ASCC3: variants seen among roughly 807,000 people sequenced by gnomAD.
ASCC3 encodes ASC-1 complex subunit P200.
Under a neutral mutation model 256.3 loss-of-function variants are expected in ASCC3, and 158 were observed. The observed-to-expected ratio is 0.62, with a 90% CI of 0.54 to 0.70. The LOEUF is 0.70. ASCC3 is among the 30% of genes least tolerant of loss of function. The pLI is 0.00. For missense variants in ASCC3, 2,259 were observed against 2,626.0 expected, an observed-to-expected ratio of 0.86 and a Z score of 3.05; for synonymous variants, 948 against 883.4, an observed-to-expected ratio of 1.07 and a Z score of -1.30.
intron 25 of ASCC3, among the ~76,000 whole-genome samples, chr6:100,635,335 G>A (rs796185794): frequency 3.9e-5 from 6 of 152,074 alleles, no homozygotes; most frequent in African/African-American, 1.2e-4. Context: ...AAATACGCCA[G>A]ACATAGAAAG....
intron 11 of ASCC3, among the ~76,000 whole-genome samples, chr6:100,723,222 A>C (rs1321000110): frequency 6.6e-6 from 1 of 151,684 alleles, no homozygotes; most frequent in Admixed American, 6.6e-5. Context: ...TTCTTATAGA[A>C]ACCTATTAAA....
At chr6:100,584,625 TATG>T (rs1418565282) in intron 36 of ASCC3, among the ~76,000 whole-genome samples, 2 of 152,174 alleles carry the variant, frequency 1.3e-5, no homozygotes, top group African/African-American at 4.8e-5. Flanking sequence ...ATCCTGTCAT[TATG>T]ATGTTAGCTG....
Position 100,670,659 on chromosome 6 carries a change from A to G in ASCC3, c.2287-8123T>C, listed in dbSNP as rs151068884. Among the ~76,000 whole-genome samples, 176 of 146,538 alleles carry G rather than the reference A, an allele frequency of 1.2e-3. 1 individual carries two copies. The highest frequency in any genetic ancestry group is 7.2e-3 in the Middle Eastern group (2 of 276). ...TTTTTTTCCCCCCCAAATTCTTTTA[A>G]TCCGCAGTTGGCTGAATTCATGGAA... On this transcript the variant is annotated intron_variant, in intron 14 of 41. Transcript: ENST00000369162.
chr6:100,841,686 TA>T (rs5878648), intron 4 of ASCC3, among the ~76,000 whole-genome samples: 100,901 of 149,372 alleles, frequency 0.68, 34,074 homozygotes, highest in East Asian at 0.71. Context: ...TTGTGCATAT[TA>T]AAAAAAAAAA....
chr6:100,576,252 A>C (rs776020789), intron 36 of ASCC3, among the ~76,000 whole-genome samples: 2 of 152,058 alleles, frequency 1.3e-5, no homozygotes, highest in South Asian at 4.1e-4. Context: ...AACATTTTCC[A>C]AAATAGCATC....
At chr6:100,555,598 TC>T (rs1275263350) in intron 36 of ASCC3, among the ~76,000 whole-genome samples, 1 of 152,184 alleles carries the variant, frequency 6.6e-6, no homozygotes, top group African/African-American at 2.4e-5. Flanking sequence ...AACATCTATT[TC>T]CCAGGATTTA....
chr6:100,642,891 G>A, intron 23 of ASCC3, 142 bp from the exon 24 acceptor site: 1 of 860,180 alleles, frequency 1.2e-6, no homozygotes, highest in Non-Finnish European at 1.8e-6. Flanking sequence ...GAGATATTCG[G>A]AAACTTTAGA....
chr6:100,654,226 CTG>C (rs1775812233), intron 17 of ASCC3, among the ~76,000 whole-genome samples: 1 of 150,496 alleles, frequency 6.6e-6, no homozygotes, highest in Non-Finnish European at 1.5e-5. Flanking sequence ...ATATGCTAAA[CTG>C]TTTTATCTGT....
chr6:100,510,764 C>A (rs1773720327), intron 40 of ASCC3, among the ~76,000 whole-genome samples: 1 of 152,080 alleles, frequency 6.6e-6, no homozygotes, highest in Admixed American at 6.5e-5. Context: ...ATAATGATCG[C>A]ACTTGAGGTC....
At chr6:100,579,124 A>T (rs1321745590) in intron 36 of ASCC3, among the ~76,000 whole-genome samples, 1 of 149,020 alleles carries the variant, frequency 6.7e-6, no homozygotes, top group East Asian at 1.9e-4. Flanking sequence ...TCACACGTAT[A>T]TCTTCTTTTG....
chr6:100,799,085 T>C (rs1236714533), intron 7 of ASCC3, among the ~76,000 whole-genome samples: 3 of 152,062 alleles, frequency 2.0e-5, no homozygotes, highest in Non-Finnish European at 4.4e-5. Flanking sequence ...TGACAAATCT[T>C]AAAGTATACA....
intron 37 of ASCC3, among the ~76,000 whole-genome samples, chr6:100,537,543 T>G (rs1039129873): frequency 6.6e-6 from 1 of 152,136 alleles, no homozygotes; most frequent in Non-Finnish European, 1.5e-5. Flanking sequence ...CAACACCGAG[T>G]TAAGATGTTA....
chr6:100,847,439 ACACCTATGGGTTAAGTC>A (rs1293305501), intron 4 of ASCC3, among the ~76,000 whole-genome samples: 1 of 152,150 alleles, frequency 6.6e-6, no homozygotes, highest in Non-Finnish European at 1.5e-5. Context: ...AGTTGGCATA[ACACCTATGGGTTAAGTC>A]CTCCAATACC....
intron 30 of ASCC3, among the ~76,000 whole-genome samples, chr6:100,608,821 T>C (rs1453912474): frequency 8.0e-6 from 1 of 124,318 alleles, no homozygotes; most frequent in East Asian, 2.3e-4. Flanking sequence ...TGGAGTGCAG[T>C]GGCGTGATCT....
intron 4 of ASCC3, among the ~76,000 whole-genome samples, chr6:100,809,901 T>C (rs756418647): frequency 6.6e-6 from 1 of 152,104 alleles, no homozygotes; most frequent in Non-Finnish European, 1.5e-5. Context: ...GAGAGTTAGT[T>C]AATAAGAATA....
At chr6:100,870,129 C>A (rs1773663895) in intron 1 of ASCC3, among the ~76,000 whole-genome samples, 1 of 151,978 alleles carries the variant, frequency 6.6e-6, no homozygotes, top group South Asian at 2.1e-4. Context: ...ATATAGAGAA[C>A]CTGAAGAGTA....
chr6:100,715,261 T>C (rs971762350), intron 13 of ASCC3: 8 of 542,132 alleles, frequency 1.5e-5, no homozygotes, highest in Non-Finnish European at 2.6e-5. Context: ...GACCTATCAA[T>C]ACTGGGATGA....
chr6:100,627,938 A>G lies in ASCC3; in HGVS notation c.4425T>C (p.Phe1475=), dbSNP rs773274053. 1 of 1,613,678 alleles carries G rather than the reference A, an allele frequency of 6.2e-7. No homozygotes were observed. Among genetic ancestry groups the G allele is most frequent in the Non-Finnish European group, 8.5e-7 (1 of 1,179,800 alleles). ...CAGGCTTTTCTGTGTGTGATGAGAT[A>G]AAATTTGTTCGAGATACAATGACCT... ...VLEVIVSRTN[F]ISSHTEKPVR... The change falls in exon 28 of 42, where the codon TTT becomes TTC. Residue 1475 remains phenylalanine (F), a synonymous_variant. Transcript: ENST00000369162.
chr6:100,509,975 G>A lies in ASCC3; in HGVS notation c.6418C>T (p.His2140Tyr). Residue 2140 changes from histidine to tyrosine, a missense_variant, in exon 41 of 42, where the codon CAT becomes TAT. By Grantham distance (83) the His-to-Tyr change is moderately conservative. Coordinates refer to ENST00000369162, the MANE Select transcript of ASCC3 (RefSeq NM_006828.4). ...LKRVGYIRNHHVASLSFYTPE... is the reference protein window; with the variant it reads ...LKRVGYIRNHYVASLSFYTPE... ...GTATAAAAAGAAAGGGAAGCAACATGATGATTTCGAATATATCCTACTCTT... is the reference window on the plus strand; with the variant it reads ...GTATAAAAAGAAAGGGAAGCAACATAATGATTTCGAATATATCCTACTCTT... 1 of 1,613,718 alleles carries A rather than the reference G, an allele frequency of 6.2e-7. No individual in the cohort carries two copies. Among genetic ancestry groups the A allele is most frequent in the African/African-American group, 1.3e-5 (1 of 74,932 alleles).
Sources: allele counts gnomAD v4.1 joint callset (sites outside exome capture counted in the v4.1 genomes callset), GRCh38; gene constraint gnomAD v4.1.1; transcripts MANE v1.5; gene names NCBI Gene and HGNC (gene_info 2026-07-23, HGNC 2026-07-21).